SPICE1: variants seen among roughly 807,000 people sequenced by gnomAD.
SPICE1 encodes the protein spindle and centriole associated protein 1.
Under a neutral mutation model 102.7 loss-of-function variants are expected in SPICE1, and 75 were observed. That is an observed-to-expected ratio of 0.73 (90% CI 0.61 to 0.88). The LOEUF (loss-of-function observed/expected upper bound fraction) is 0.88, where lower values mean the gene tolerates loss of function less well. SPICE1 is among the 40% of genes least tolerant of loss of function. The pLI is 0.00. For synonymous variants in SPICE1, 308 were observed against 350.3 expected (o/e 0.88, Z 1.35); for missense variants, 979 against 1,020.1 (o/e 0.96, Z 0.55).
chr3:113,467,016 C>T (rs1936074212), intron 10 of SPICE1, among the ~76,000 whole-genome samples: 1 of 152,034 alleles, frequency 6.6e-6, no homozygotes, highest in Non-Finnish European at 1.5e-5. Context: ...GCCACTACTG[C>T]ACCCTAGCCT....
chr3:113,466,646 A>G (rs1375644251), intron 10 of SPICE1, among the ~76,000 whole-genome samples: 1 of 152,048 alleles, frequency 6.6e-6, no homozygotes, highest in Non-Finnish European at 1.5e-5. Context: ...TAAGCCTGCA[A>G]TACTCTCCAA....
chr3:113,464,978 C>T (rs565967761), intron 11 of SPICE1, among the ~76,000 whole-genome samples: 1 of 151,982 alleles, frequency 6.6e-6, no homozygotes, highest in African/African-American at 2.4e-5. Context: ...TGGTGGTGTG[C>T]ACCTGTAGTC....
chr3:113,513,255 T>G, intron 1 of SPICE1, among the ~76,000 whole-genome samples: 1 of 152,018 alleles, frequency 6.6e-6, no homozygotes, highest in East Asian at 1.9e-4. Flanking sequence ...AAAAAAATTT[T>G]TTTTAATTAG....
chr3:113,468,268 T>C lies in SPICE1; in HGVS notation c.1026A>G (p.Glu342=), dbSNP rs772742704. Residue 342 remains glutamate, a synonymous_variant, in exon 10 of 18, where the codon GAA becomes GAG. Coordinates refer to ENST00000295872, the MANE Select transcript of SPICE1 (RefSeq NM_144718.4). ...ACCGCTCATATTCTTCCATTTCATG[T>C]TCCACTTCATGTATCATGTGTTTGA... ...DVLKHMIHEV[E]HEMEEYERWT... 1 of 1,614,198 alleles carries C rather than the reference T, an allele frequency of 6.2e-7. No individual in the cohort carries two copies. Among genetic ancestry groups the C allele is most frequent in the East Asian group, 2.2e-5 (1 of 44,878 alleles).
intron 3 of SPICE1, among the ~76,000 whole-genome samples, chr3:113,500,425 C>T (rs7646188): frequency 0.32 from 48,114 of 151,554 alleles, 8,995 homozygotes; most frequent in African/African-American, 0.52. Context: ...TTTTAGACAA[C>T]TGAGGAGATT....
chr3:113,464,728 A>ATAGACT (rs1936012281), intron 11 of SPICE1, among the ~76,000 whole-genome samples: 1 of 152,228 alleles, frequency 6.6e-6, no homozygotes, highest in Non-Finnish European at 1.5e-5. Context: ...ACACTCAAGA[A>ATAGACT]GCATACAGTC....
intron 7 of SPICE1, among the ~76,000 whole-genome samples, chr3:113,479,132 C>G (rs1049416900): frequency 4.1e-5 from 5 of 123,180 alleles, no homozygotes; most frequent in East Asian, 5.8e-4. Context: ...CCCCACCCCC[C>G]ACCCCACAAC....
At chr3:113,464,746 C>G (rs76300320) in intron 11 of SPICE1, among the ~76,000 whole-genome samples, 4,431 of 152,212 alleles carry the variant, frequency 0.029, 110 homozygotes, top group East Asian at 0.1. Flanking sequence ...GTCTCAGTAA[C>G]AAGTACACAT....
intron 7 of SPICE1, among the ~76,000 whole-genome samples, chr3:113,471,664 T>C (rs758948042): frequency 2.1e-4 from 32 of 152,296 alleles, no homozygotes; most frequent in Admixed American, 5.2e-4. Flanking sequence ...CATGGAAGCA[T>C]AGTATGTAAA....
At position 113,493,274 on chromosome 3, in the gene SPICE1, C is replaced by A; in HGVS notation, c.424G>T (p.Gly142Cys). 6.2e-7 allele frequency: 1 copy of A among 1,613,756 alleles called. No individual in the cohort carries two copies. Reference protein sequence around the residue: ...NVTVAPDSSQGPIVVNQDPIT... With the variant: ...NVTVAPDSSQCPIVVNQDPIT... ...GGGTCTTGATTTACCACAATGGGAC[C>A]CTGAGAGGAATCAGGAGCCACTGTT... is the stretch of plus-strand genomic sequence containing the variant. The change falls in exon 6 of 18, where the codon GGT (glycine) becomes TGT (cysteine). Residue 142 changes from glycine to cysteine, a missense_variant. By Grantham distance (159) the Gly-to-Cys change is radical. Transcript: ENST00000295872.
intron 7 of SPICE1, among the ~76,000 whole-genome samples, chr3:113,484,186 T>C (rs569218506): frequency 1.3e-5 from 2 of 152,370 alleles, no homozygotes; most frequent in Admixed American, 1.3e-4. Flanking sequence ...GTGTTTATAG[T>C]ATTCTGATGG....
intron 4 of SPICE1, among the ~76,000 whole-genome samples, chr3:113,494,825 G>A (rs531266440): frequency 1.3e-5 from 2 of 152,194 alleles, no homozygotes; most frequent in Non-Finnish European, 2.9e-5. Context: ...AATGTTGGCA[G>A]CAACTCACTT....
At chr3:113,491,260 G>A (rs1936757463) in intron 6 of SPICE1, among the ~76,000 whole-genome samples, 1 of 152,024 alleles carries the variant, frequency 6.6e-6, no homozygotes, top group African/African-American at 2.4e-5. Context: ...CTATATGGAT[G>A]AAGAAACTAG....
chr3:113,467,392 A>G (rs1936085309), intron 10 of SPICE1, among the ~76,000 whole-genome samples: 1 of 152,152 alleles, frequency 6.6e-6, no homozygotes, highest in Admixed American at 6.5e-5. Context: ...CCCTGGTGAA[A>G]GTAATTCTCC....
intron 12 of SPICE1, among the ~76,000 whole-genome samples, chr3:113,458,625 G>A (rs1416060762): frequency 3.9e-5 from 6 of 152,246 alleles, no homozygotes; most frequent in South Asian, 2.1e-4. Context: ...GCCTCTGCCC[G>A]GCCGCCACCC....
intron 13 of SPICE1, 127 bp from the exon 14 acceptor site, chr3:113,454,077 C>T: frequency 1.2e-6 from 1 of 862,474 alleles, no homozygotes; most frequent in Non-Finnish European, 1.7e-6. Context: ...CTTCTGAATG[C>T]TTAAACTATT....
At chr3:113,472,730 C>T (rs996134673) in intron 7 of SPICE1, among the ~76,000 whole-genome samples, 13 of 152,304 alleles carry the variant, frequency 8.5e-5, no homozygotes, top group Non-Finnish European at 1.6e-4. Context: ...AGGGTCCTGT[C>T]TGTTAGAAGG....
chr3:113,462,321 G>T (rs1365992994), intron 11 of SPICE1, among the ~76,000 whole-genome samples: 1 of 152,174 alleles, frequency 6.6e-6, no homozygotes, highest in Admixed American at 6.5e-5. Context: ...GAACTTACAG[G>T]GGCACCGGGG....
intron 14 of SPICE1, among the ~76,000 whole-genome samples, chr3:113,450,985 TG>T (rs1170481405): frequency 6.6e-6 from 1 of 152,236 alleles, no homozygotes; most frequent in Admixed American, 6.5e-5. Context: ...TCTGCAGAGC[TG>T]CACAAAAGAT....
Sources: gnomAD v4.1 joint callset for allele counts (sites outside exome capture counted in the v4.1 genomes callset) on GRCh38, gnomAD v4.1.1 for gene constraint, MANE v1.5 for transcripts, NCBI Gene and HGNC (gene_info 2026-07-23, HGNC 2026-07-21) for gene names.